The following VPS37A variants were observed in gnomAD, a reference collection of about 807,000 sequenced individuals.
The protein encoded by VPS37A is VPS37A subunit of ESCRT-I.
VPS37A carries 30 observed loss-of-function variants against 49.8 expected under a neutral mutation model. The observed-to-expected ratio is 0.60, with a 90% confidence interval of 0.45 to 0.82. The LOEUF is 0.82. Ranked by LOEUF, VPS37A falls within the 40% of genes least tolerant of loss-of-function variation. VPS37A has a pLI of 0.00. For missense variants in VPS37A, 593 were observed against 464.4 expected (o/e 1.28, Z -2.55); for synonymous variants, 195 against 160.6 (o/e 1.21, Z -1.62).
chr8:17,306,017 T>A, downstream of VPS37A: 1 of 1,405,338 alleles, frequency 7.1e-7, no homozygotes, highest in Non-Finnish European at 9.8e-7. Context: ...TACAAAGCCA[T>A]AAATGCAAAA....
chr8:17,319,118 C>T, the VPS37A span, among the ~76,000 whole-genome samples: 2 of 152,178 alleles, frequency 1.3e-5, no homozygotes, highest in East Asian at 1.9e-4. Flanking sequence ...TCATGATATA[C>T]GCATGGGCAA....
the VPS37A span, among the ~76,000 whole-genome samples, chr8:17,321,348 C>T: frequency 6.6e-6 from 1 of 152,228 alleles, no homozygotes; most frequent in African/African-American, 2.4e-5. Flanking sequence ...ATGGGACAGG[C>T]TGCTGTGGCT....
intron 1 of VPS37A, among the ~76,000 whole-genome samples, chr8:17,261,536 C>T (rs1016951854): frequency 3.3e-5 from 5 of 152,160 alleles, no homozygotes; most frequent in African/African-American, 9.7e-5. Context: ...TGCGGATGTG[C>T]GTCTATGTCT....
chr8:17,262,570 A>AGT (rs1266301550), intron 1 of VPS37A, among the ~76,000 whole-genome samples: 1 of 138,434 alleles, frequency 7.2e-6, no homozygotes, highest in African/African-American at 2.9e-5. Flanking sequence ...ATTACTTTAA[A>AGT]GTATGTGTGT....
At position 17,286,428 on chromosome 8, in the gene VPS37A, G is replaced by C. The variant is rs749960580; in HGVS notation, c.*1G>C. ...CAGCCAATTTCATGCTCCACTATAG[G>C]TAAATTGTATTTCAAGTTTGAGTCT... On this transcript the variant is annotated splice_donor_variant, in intron 11 of 11. Transcript: ENST00000324849. LOFTEE classifies it low-confidence loss of function (3UTR_SPLICE). 6.2e-7 allele frequency: 1 copy of C among 1,612,692 alleles called. No homozygotes were observed. The highest frequency in any genetic ancestry group is 1.7e-5 in the Admixed American group (1 of 59,844).
rs1815405616 is a variant in VPS37A, at chr8:17,284,544, T to C, written c.1041T>C (p.Asn347=). The C allele has an allele frequency of 1.9e-6, 3 of 1,600,106 alleles. No individual in the cohort carries two copies. Among genetic ancestry groups the C allele is most frequent in the Non-Finnish European group, 1.7e-6 (2 of 1,175,446 alleles). The change falls in exon 10 of 12, where the codon AAT becomes AAC. Residue 347 remains asparagine, a synonymous_variant. Transcript: ENST00000324849. ...AAHEAEEESD[N]IAEDFLEGKM... ...ATGAAGCTGAGGAAGAATCTGATAA[T>C]ATTGCAGAAGACTTCTTGGAGGGAA... is the stretch of plus-strand genomic sequence containing the variant.
chr8:17,309,989 A>C, the VPS37A span, among the ~76,000 whole-genome samples: 1 of 151,980 alleles, frequency 6.6e-6, no homozygotes, highest in African/African-American at 2.4e-5. Flanking sequence ...TTTGTATTTT[A>C]TATTGTTTTA....
intron 4 of VPS37A, among the ~76,000 whole-genome samples, chr8:17,270,004 C>T (rs1414877828): frequency 6.6e-5 from 10 of 152,048 alleles, no homozygotes; most frequent in African/African-American, 2.2e-4. Context: ...GAAGGTAAAG[C>T]GGGTGCAGGC....
At chr8:17,303,200 T>G (rs1817240571), downstream of VPS37A, among the ~76,000 whole-genome samples, 1 of 152,184 alleles carries the variant, frequency 6.6e-6, no homozygotes, top group South Asian at 2.1e-4. Flanking sequence ...ATAAAATATG[T>G]GTTGACTAGC....
At chr8:17,298,183 T>C (rs1220024987), downstream of VPS37A, 1 of 152,092 alleles carries the variant, frequency 6.6e-6, no homozygotes, top group African/African-American at 2.4e-5. Flanking sequence ...GTTATAAAAA[T>C]GTGAAAGCCA....
At chr8:17,308,944 G>A in the VPS37A span, among the ~76,000 whole-genome samples, 1 of 152,194 alleles carries the variant, frequency 6.6e-6, no homozygotes, top group Non-Finnish European at 1.5e-5. Flanking sequence ...GCAGACTAAA[G>A]TGAATCTCTG....
At chr8:17,315,651 CATG>C in the VPS37A span, among the ~76,000 whole-genome samples, 1 of 152,016 alleles carries the variant, frequency 6.6e-6, no homozygotes, top group Non-Finnish European at 1.5e-5. Context: ...TCTTTAAAAA[CATG>C]ATAATGTAAC....
the VPS37A span, among the ~76,000 whole-genome samples, chr8:17,328,501 G>C: frequency 3.3e-5 from 5 of 152,038 alleles, no homozygotes; most frequent in Non-Finnish European, 4.4e-5. Context: ...TCACTTAAAA[G>C]TGGGAGCTGA....
the VPS37A span, chr8:17,313,380 G>T: frequency 6.2e-7 from 1 of 1,611,698 alleles, no homozygotes; most frequent in Non-Finnish European, 8.5e-7. Flanking sequence ...ATCACTCATG[G>T]AGGGAGATTT....
downstream of VPS37A, among the ~76,000 whole-genome samples, chr8:17,303,722 GTC>G (rs1563314166): frequency 6.6e-6 from 1 of 151,412 alleles, no homozygotes; most frequent in East Asian, 1.9e-4. Context: ...TGATTCTCCT[GTC>G]TCAGCCTCCC....
At chr8:17,268,769 G>A in intron 3 of VPS37A, 87 bp from the exon 4 acceptor site, 1 of 890,902 alleles carries the variant, frequency 1.1e-6, no homozygotes, top group Non-Finnish European at 1.7e-6. Flanking sequence ...GCAAAAGTAA[G>A]TTAATATTTA....
chr8:17,313,727 T>C, the VPS37A span, among the ~76,000 whole-genome samples: 1 of 152,126 alleles, frequency 6.6e-6, no homozygotes, highest in East Asian at 1.9e-4. Flanking sequence ...AGCAAAGTAA[T>C]TAAAAATGGG....
At chr8:17,290,523 GA>G (rs1440495400) in intron 11 of VPS37A, among the ~76,000 whole-genome samples, 2 of 152,342 alleles carry the variant, frequency 1.3e-5, no homozygotes, top group East Asian at 3.9e-4. Context: ...TCCCAGGGAT[GA>G]AGCCAACTTG....
intron 1 of VPS37A, 168 bp downstream of exon 1, chr8:17,247,537 G>A: frequency 1.0e-6 from 1 of 981,708 alleles, no homozygotes; most frequent in Non-Finnish European, 1.5e-6. Context: ...CCCTTTTACT[G>A]TTTTCCTCCG....
Sources: gnomAD v4.1 joint callset for allele counts (sites outside exome capture counted in the v4.1 genomes callset) on GRCh38, gnomAD v4.1.1 for gene constraint, MANE v1.5 for transcripts, NCBI Gene and HGNC (gene_info 2026-07-23, HGNC 2026-07-21) for gene names.